The following SPAG9 variants were observed in gnomAD, a reference collection of about 807,000 sequenced individuals.
SPAG9 encodes the protein C-Jun-amino-terminal kinase-interacting protein 4.
A neutral mutation model predicts 166.5 loss-of-function variants in SPAG9; 35 were observed. The observed-to-expected ratio is 0.21, with a 90% confidence interval of 0.16 to 0.28. The LOEUF is 0.28. Among genes scored for constraint, SPAG9 ranks in the 10% least tolerant of loss-of-function variants. The pLI is 1.00. For synonymous variants in SPAG9, 534 were observed against 565.5 expected (o/e 0.94, Z 0.79); for missense variants, 1,235 against 1,603.3 (o/e 0.77, Z 3.92).
At chr17:51,048,169 A>G (rs556547347) in intron 3 of SPAG9, among the ~76,000 whole-genome samples, 25 of 152,214 alleles carry the variant, frequency 1.6e-4, no homozygotes, top group Non-Finnish European at 3.2e-4. Flanking sequence ...GACAAGCTGA[A>G]TAAGAAAGTA....
intron 6 of SPAG9, among the ~76,000 whole-genome samples, chr17:51,023,580 G>A (rs9915055): frequency 0.3 from 45,341 of 151,956 alleles, 6,852 homozygotes; most frequent in Admixed American, 0.36. Context: ...AAGAGTCACC[G>A]ATTATCAATA....
chr17:51,065,880 A>G (rs954727257), intron 2 of SPAG9, among the ~76,000 whole-genome samples: 8 of 152,190 alleles, frequency 5.3e-5, no homozygotes, highest in African/African-American at 1.9e-4. Flanking sequence ...AGAAGCTATA[A>G]AGGGGGAAAT....
intron 1 of SPAG9, among the ~76,000 whole-genome samples, chr17:51,101,718 G>A (rs1392647326): frequency 6.6e-6 from 1 of 152,068 alleles, no homozygotes; most frequent in Non-Finnish European, 1.5e-5. Context: ...CCACCTCCCA[G>A]GTTCAAGCAA....
intron 28 of SPAG9, among the ~76,000 whole-genome samples, chr17:50,972,259 C>T (rs1185324681): frequency 6.6e-6 from 1 of 152,176 alleles, no homozygotes; most frequent in Non-Finnish European, 1.5e-5. Flanking sequence ...AGGTCTCTCC[C>T]TTGAAAAGGA....
intron 2 of SPAG9, among the ~76,000 whole-genome samples, chr17:51,065,475 A>G (rs1462742456): frequency 6.6e-6 from 1 of 152,250 alleles, no homozygotes; most frequent in East Asian, 1.9e-4. Context: ...CATTTATGTT[A>G]TAAGAGAAGG....
At chr17:51,053,853 AAGTATATATATATATATATATATATAT>A (rs1170825026) in intron 3 of SPAG9, among the ~76,000 whole-genome samples, 13 of 56,154 alleles carry the variant, frequency 2.3e-4, no homozygotes, top group Admixed American at 7.8e-4. Flanking sequence ...AAAAAAAAAA[AAGTATATATATATATATATATATATAT>A]ATATATATAT....
chr17:51,117,991 C>T (rs955112114), intron 1 of SPAG9, among the ~76,000 whole-genome samples: 1 of 151,200 alleles, frequency 6.6e-6, no homozygotes, highest in African/African-American at 2.4e-5. Context: ...AATATATATA[C>T]ATATTAGCTG....
At chr17:51,097,075 A>G (rs1388187471) in intron 1 of SPAG9, among the ~76,000 whole-genome samples, 2 of 152,226 alleles carry the variant, frequency 1.3e-5, no homozygotes, top group African/African-American at 4.8e-5. Flanking sequence ...CCAATGACCA[A>G]TGGTTTCATA....
In SPAG9 at chr17:50,967,353, TG is replaced by T. The variant is rs561156086; in HGVS notation, c.3851-967del. Among the ~76,000 whole-genome samples the T allele has an allele frequency of 1.4e-4, 22 of 152,278 alleles. No individual in the cohort carries two copies. The South Asian group carries it at 3.9e-3, about 27-fold the overall frequency. ...TAATGTGCCCCATGTGAATTTCAGCTGGACAAAAGAAAATATTGATACTGTT... is the reference window on the plus strand; with the variant it reads ...TAATGTGCCCCATGTGAATTTCAGCTGACAAAAGAAAATATTGATACTGTT... On this transcript the variant is annotated intron_variant, in intron 29 of 29. Coordinates refer to ENST00000262013, the MANE Select transcript of SPAG9 (RefSeq NM_001130528.3).
chr17:51,044,520 TG>T (rs768211681), intron 4 of SPAG9, among the ~76,000 whole-genome samples: 27 of 152,342 alleles, frequency 1.8e-4, no homozygotes, highest in Non-Finnish European at 3.2e-4. Context: ...AACAGCTTTT[TG>T]GCTATATTCA....
At chr17:51,019,248 GAAA>G (rs1394897621) in intron 8 of SPAG9, among the ~76,000 whole-genome samples, 1 of 152,164 alleles carries the variant, frequency 6.6e-6, no homozygotes, top group African/African-American at 2.4e-5. Context: ...AGAACTGTGA[GAAA>G]ATTAATTTCT....
intron 6 of SPAG9, among the ~76,000 whole-genome samples, chr17:51,026,821 C>A (rs1355212941): frequency 2.0e-5 from 3 of 151,752 alleles, no homozygotes; most frequent in African/African-American, 7.3e-5. Flanking sequence ...GGATTACAGG[C>A]ATGCGCCACC....
intron 1 of SPAG9, among the ~76,000 whole-genome samples, chr17:51,093,225 AT>A (rs1476045629): frequency 6.6e-6 from 1 of 151,668 alleles, no homozygotes; most frequent in Admixed American, 6.6e-5. Flanking sequence ...AAACAAAAAA[AT>A]GAAAATAAAT....
intron 6 of SPAG9, among the ~76,000 whole-genome samples, chr17:51,027,390 A>G (rs2046224630): frequency 6.6e-6 from 1 of 151,984 alleles, no homozygotes; most frequent in African/African-American, 2.4e-5. Flanking sequence ...AGCCAAGATC[A>G]TACCACTGCG....
chr17:50,981,533 G>T (rs1476106079), intron 25 of SPAG9, among the ~76,000 whole-genome samples: 2 of 151,548 alleles, frequency 1.3e-5, no homozygotes, highest in Non-Finnish European at 2.9e-5. Flanking sequence ...TAGATAGAAA[G>T]AAAGAAAGAA....
At chr17:51,021,569 T>C (rs2045937993) in intron 6 of SPAG9, among the ~76,000 whole-genome samples, 1 of 152,216 alleles carries the variant, frequency 6.6e-6, no homozygotes, top group South Asian at 2.1e-4. Context: ...ACTGTATTTT[T>C]TCAAATGATA....
intron 2 of SPAG9, among the ~76,000 whole-genome samples, chr17:51,060,631 A>G (rs1442666661): frequency 1.3e-5 from 2 of 151,982 alleles, no homozygotes; most frequent in Non-Finnish European, 2.9e-5. Context: ...GCAAAAGGCC[A>G]TATTAGGACA....
rs1411902376 is a variant in SPAG9, at chr17:50,984,968, C to G, written c.3043G>C (p.Val1015Leu). ...SIVHVKGIVLVALADGTLAIF... is the reference protein window; with the variant it reads ...SIVHVKGIVLLALADGTLAIF... ...GCAAGGGTGCCGTCAGCCAGGGCTA[C>G]TAACACGATTCCCTTCACGTGTCTG... The change falls in exon 24 of 30, where the codon GTA becomes CTA. Residue 1015 changes from valine to leucine, a missense_variant. Physicochemically the swap from Val to Leu is conservative, Grantham distance 32. This residue lies in a region of SPAG9 where 493 missense variants were observed against 559.4 expected (regional missense o/e 0.88). Coordinates refer to ENST00000262013, the MANE Select transcript of SPAG9 (RefSeq NM_001130528.3). The G allele has an allele frequency of 1.2e-6, 2 of 1,614,188 alleles. No individual in the cohort carries two copies. The highest frequency in any genetic ancestry group is 2.2e-5 in the South Asian group (2 of 91,082).
chr17:51,007,493 A>T (rs2045276171), intron 9 of SPAG9, among the ~76,000 whole-genome samples, 167 bp from the exon 10 acceptor site: 1 of 152,124 alleles, frequency 6.6e-6, no homozygotes, highest in African/African-American at 2.4e-5. Context: ...AATAGATTAT[A>T]AAATTATAAA....
Sources: allele counts gnomAD v4.1 joint callset (sites outside exome capture counted in the v4.1 genomes callset), GRCh38; gene constraint gnomAD v4.1.1; regional missense constraint gnomAD v4.1.1; transcripts MANE v1.5; gene names NCBI Gene and HGNC (gene_info 2026-07-23, HGNC 2026-07-21).